BMPER: variants seen among roughly 807,000 people sequenced by gnomAD.
BMPER encodes BMP-binding endothelial regulator protein.
Under a neutral mutation model 87.3 loss-of-function variants are expected in BMPER, and 45 were observed. The observed-to-expected ratio is 0.52, with a 90% confidence interval of 0.41 to 0.66. The LOEUF (loss-of-function observed/expected upper bound fraction) is 0.66. Among genes scored for constraint, BMPER ranks in the 30% least tolerant of loss-of-function variants. The probability of loss-of-function intolerance (pLI) is 0.00; values close to 1 mark genes in which losing one functional copy is unlikely to be tolerated. For synonymous variants in BMPER, 326 were observed against 316.2 expected, an observed-to-expected ratio of 1.03 and a Z score of -0.33; for missense variants, 784 against 867.5, an observed-to-expected ratio of 0.90 and a Z score of 1.21.
chr7:33,910,008 A>G (rs1157383919), intron 2 of BMPER, among the ~76,000 whole-genome samples: 1 of 152,188 alleles, frequency 6.6e-6, no homozygotes, highest in South Asian at 2.1e-4. Context: ...TCCCAGTCCA[A>G]GAATAACTGG....
At chr7:33,998,651 A>T (rs781453426) in intron 6 of BMPER, among the ~76,000 whole-genome samples, 38 of 152,188 alleles carry the variant, frequency 2.5e-4, no homozygotes, top group Non-Finnish European at 4.6e-4. Context: ...AACGTTGTGA[A>T]CAAGAACACA....
At chr7:33,919,248 G>T (rs550296437) in intron 2 of BMPER, among the ~76,000 whole-genome samples, 3 of 152,186 alleles carry the variant, frequency 2.0e-5, no homozygotes, top group Non-Finnish European at 4.4e-5. Flanking sequence ...AGGAGCAGCA[G>T]TTTTATGTGG....
intron 2 of BMPER, among the ~76,000 whole-genome samples, chr7:33,919,110 T>C (rs1249686754): frequency 6.6e-6 from 1 of 152,182 alleles, no homozygotes; most frequent in Non-Finnish European, 1.5e-5. Flanking sequence ...ATGTAAACCA[T>C]ATACTGACCA....
intron 6 of BMPER, among the ~76,000 whole-genome samples, chr7:34,040,451 G>A (rs964965293): frequency 1.3e-5 from 2 of 152,144 alleles, no homozygotes; most frequent in African/African-American, 4.8e-5. Context: ...TGACGACTGA[G>A]ACATAGTTGC....
chr7:34,059,921 A>G (rs1295806615), intron 10 of BMPER, among the ~76,000 whole-genome samples: 1 of 152,032 alleles, frequency 6.6e-6, no homozygotes, highest in African/African-American at 2.4e-5. Flanking sequence ...CCCCAGAGGC[A>G]AAGGAGTGCC....
intron 13 of BMPER, among the ~76,000 whole-genome samples, chr7:34,100,261 G>A (rs1789644897): frequency 6.6e-6 from 1 of 152,198 alleles, no homozygotes; most frequent in African/African-American, 2.4e-5. Flanking sequence ...TGCTAAGAAG[G>A]AAAACAATTT....
chr7:34,071,565 T>C (rs1179856502), intron 11 of BMPER, among the ~76,000 whole-genome samples: 3 of 152,248 alleles, frequency 2.0e-5, no homozygotes, highest in African/African-American at 7.2e-5. Flanking sequence ...AGCTTAGATA[T>C]ACAGTTCTCT....
chr7:33,942,469 G>T (rs1301531297), intron 3 of BMPER, among the ~76,000 whole-genome samples: 1 of 152,176 alleles, frequency 6.6e-6, no homozygotes, highest in African/African-American at 2.4e-5. Flanking sequence ...GACCCAGGTG[G>T]TCTCACCATT....
intron 6 of BMPER, among the ~76,000 whole-genome samples, chr7:33,991,190 G>T (rs1403907806): frequency 6.7e-6 from 1 of 150,076 alleles, no homozygotes. Context: ...CAGAAGGAAT[G>T]GTACCAGTTC....
At chr7:34,031,448 G>A (rs1309981082) in intron 6 of BMPER, among the ~76,000 whole-genome samples, 2 of 152,040 alleles carry the variant, frequency 1.3e-5, no homozygotes. Context: ...CATATATCAA[G>A]AAAGTGCTTT....
At chr7:34,082,158 C>T (rs1158172590) in intron 12 of BMPER, among the ~76,000 whole-genome samples, 1 of 152,104 alleles carries the variant, frequency 6.6e-6, no homozygotes, top group Admixed American at 6.5e-5. Flanking sequence ...AGCCTTCTGA[C>T]TCTGCCAGTT....
intron 3 of BMPER, among the ~76,000 whole-genome samples, chr7:33,956,015 G>T (rs1038014784): frequency 6.7e-6 from 1 of 149,822 alleles, no homozygotes; most frequent in African/African-American, 2.5e-5. Context: ...TTCATAGACA[G>T]ACAAACAAAC....
chr7:34,065,344 T>C (rs1788559801), intron 11 of BMPER, among the ~76,000 whole-genome samples: 1 of 151,962 alleles, frequency 6.6e-6, no homozygotes, highest in Non-Finnish European at 1.5e-5. Flanking sequence ...GGCTGTCCTG[T>C]GCATTGCAAG....
intron 11 of BMPER, among the ~76,000 whole-genome samples, chr7:34,075,666 C>T (rs114615177): frequency 0.016 from 2,467 of 152,292 alleles, 32 homozygotes; most frequent in Middle Eastern, 0.058. Context: ...CTGCCTATCA[C>T]GCCAGGCTTT....
chr7:33,991,317 A>T (rs187773969), intron 6 of BMPER, among the ~76,000 whole-genome samples: 106 of 152,018 alleles, frequency 7.0e-4, no homozygotes, highest in African/African-American at 2.5e-3. Flanking sequence ...CTATTCAGAG[A>T]TTCAACTTCT....
intron 14 of BMPER, among the ~76,000 whole-genome samples, chr7:34,149,433 G>C (rs1390624875): frequency 6.6e-6 from 1 of 152,136 alleles, no homozygotes; most frequent in African/African-American, 2.4e-5. Context: ...TTTGAAGTGG[G>C]GGACATCTGA....
chr7:33,916,925 A>G lies in BMPER; in HGVS notation c.219+10022A>G, dbSNP rs116864598. 2.0e-4 allele frequency among the ~76,000 whole-genome samples: 31 copies of G among 152,350 alleles called. No individual in the cohort carries two copies. The East Asian group carries it at 5.8e-3, about 28-fold the overall frequency. ...ATTCTCCCAGAAAGTTTATCACAGA[A>G]GGTCAACCTCCTCTATAAAAGACAT... is the stretch of plus-strand genomic sequence containing the variant. On this transcript the variant is annotated intron_variant, in intron 2 of 14. Coordinates refer to ENST00000649409, the MANE Select transcript of BMPER (RefSeq NM_001365308.1).
At chr7:33,981,843 T>C (rs1198073470) in intron 6 of BMPER, among the ~76,000 whole-genome samples, 1 of 152,144 alleles carries the variant, frequency 6.6e-6, no homozygotes, top group Admixed American at 6.5e-5. Context: ...ATAAATTGTT[T>C]GGTATGGAAT....
chr7:34,028,701 G>T (rs929854330), intron 6 of BMPER, among the ~76,000 whole-genome samples: 1 of 132,082 alleles, frequency 7.6e-6, no homozygotes, highest in Non-Finnish European at 1.5e-5. Context: ...GTCTTTGCTG[G>T]TCCTCAATCT....
Sources: allele counts gnomAD v4.1 joint callset (sites outside exome capture counted in the v4.1 genomes callset), GRCh38; gene constraint gnomAD v4.1.1; transcripts MANE v1.5; gene names NCBI Gene and HGNC (gene_info 2026-07-23, HGNC 2026-07-21).